Variants in EDA2R observed in about 807,000 individuals in gnomAD.
The protein encoded by EDA2R is ectodysplasin A2 receptor, also known as tumor necrosis factor receptor superfamily member 27.
In EDA2R, 26 loss-of-function variants were observed where a neutral mutation model predicts 20.1. The ratio of observed to expected loss-of-function variants is 1.30; its 90% CI spans 0.95 to 1.80. The LOEUF (loss-of-function observed/expected upper bound fraction) is 1.80, where lower values mean the gene tolerates loss of function less well. Ranked by LOEUF, EDA2R falls within the 40% of genes most tolerant of loss-of-function variation. The pLI, the probability that EDA2R is intolerant of heterozygous loss-of-function variation, is 0.00. For missense variants in EDA2R, 277 were observed against 228.7 expected, an observed-to-expected ratio of 1.21 and a Z score of -1.36; for synonymous variants, 114 against 88.7, an observed-to-expected ratio of 1.29 and a Z score of -1.60.
intron 2 of EDA2R, among the ~76,000 whole-genome samples, chrX:66,610,555 G>T (rs1930567201): frequency 9.0e-6 from 1 of 111,579 alleles, no homozygotes; most frequent in Non-Finnish European, 1.9e-5. Context: ...TAAGTTGAGT[G>T]ATTGATTGAT....
Position 66,616,035 on chromosome X carries a change from G to C in EDA2R, c.-10-5C>G. On this transcript the variant is annotated splice_region_variant and splice_polypyrimidine_tract_variant and intron_variant, in intron 1 of 6. Coordinates refer to ENST00000374719, the MANE Select transcript of EDA2R (RefSeq NM_021783.5). ...TGGCAATCCATGGTGGGAAGGCTGT[G>C]GGTAGAGAACACAAGAACTAGCAAG... 8.5e-7 allele frequency: 1 copy of C among 1,174,565 alleles called. No individual in the cohort carries two copies. Among genetic ancestry groups the C allele is most frequent in the Non-Finnish European group, 1.2e-6 (1 of 862,728 alleles).
At chrX:66,631,226 G>A (rs1301445200) in intron 1 of EDA2R, among the ~76,000 whole-genome samples, 4 of 110,666 alleles carry the variant, frequency 3.6e-5, no homozygotes, top group East Asian at 5.7e-4. Context: ...GTGAAGGGGG[G>A]CGAGGGATAA....
chrX:66,631,104 A>G (rs1933765845), intron 1 of EDA2R, among the ~76,000 whole-genome samples: 1 of 110,361 alleles, frequency 9.1e-6, no homozygotes, highest in South Asian at 3.9e-4. Flanking sequence ...GAAGTAACTC[A>G]TGAATGGAAA....
intron 1 of EDA2R, among the ~76,000 whole-genome samples, chrX:66,625,567 C>G (rs1602299807): frequency 9.0e-6 from 1 of 111,371 alleles, no homozygotes; most frequent in Non-Finnish European, 1.9e-5. Flanking sequence ...ACCTGATGGG[C>G]CTTCCCTACC....
intron 1 of EDA2R, among the ~76,000 whole-genome samples, chrX:66,630,927 A>G (rs1261466160): frequency 9.1e-6 from 1 of 110,251 alleles, no homozygotes; most frequent in Non-Finnish European, 1.9e-5. Flanking sequence ...ACATGTGTGT[A>G]TATACGTACA....
intron 1 of EDA2R, among the ~76,000 whole-genome samples, chrX:66,636,449 A>C (rs1482492046): frequency 2.7e-5 from 3 of 110,558 alleles, no homozygotes; most frequent in African/African-American, 9.9e-5. Context: ...TCTCTGAAAA[A>C]CTGTCATGGA....
chrX:66,610,036 A>G (rs1445288752), intron 2 of EDA2R, among the ~76,000 whole-genome samples: 1 of 111,711 alleles, frequency 9.0e-6, no homozygotes, highest in African/African-American at 3.3e-5. Flanking sequence ...AGATATAATT[A>G]CATAAAAATT....
rs1275543141 is a variant in EDA2R, at chrX:66,604,478, G to A, written c.295C>T (p.Leu99=). ...RFYRKTRIGG[L]QDQECIPCTK... Reference sequence around the variant, plus strand: ...CACGGGATGCACTCTTGGTCCTGCAGGCCTCCAATGCGTGTCTTTCGGTAG... The same window carrying A: ...CACGGGATGCACTCTTGGTCCTGCAAGCCTCCAATGCGTGTCTTTCGGTAG... Residue 99 remains leucine (L), a synonymous_variant, in exon 4 of 7, where the codon CTG becomes TTG. Transcript: ENST00000374719. The A allele has an allele frequency of 1.7e-6, 2 of 1,207,377 alleles. No individual in the cohort carries two copies. Among genetic ancestry groups the A allele is most frequent in the African/African-American group, 3.5e-5 (2 of 57,001 alleles).
At chrX:66,609,201 T>C (rs1010397031) in intron 2 of EDA2R, among the ~76,000 whole-genome samples, 1 of 111,777 alleles carries the variant, frequency 8.9e-6, no homozygotes, top group Non-Finnish European at 1.9e-5. Context: ...TGGATTGGAG[T>C]CACATTCAGG....
intron 1 of EDA2R, among the ~76,000 whole-genome samples, chrX:66,633,791 G>C (rs917745997): frequency 3.6e-5 from 4 of 112,050 alleles, no homozygotes; most frequent in Non-Finnish European, 7.5e-5. Flanking sequence ...GAGATAAGCT[G>C]ACTTCCCAAG....
intron 2 of EDA2R, 94 bp from the exon 3 acceptor site, chrX:66,605,320 C>T (rs1602207181): frequency 1.3e-6 from 1 of 776,366 alleles, no homozygotes; most frequent in Non-Finnish European, 1.7e-6. Flanking sequence ...TAGTATTTTG[C>T]AACTTGCAAC....
intron 6 of EDA2R, 104 bp downstream of exon 6, chrX:66,599,370 C>T: frequency 1.1e-6 from 1 of 926,034 alleles, no homozygotes; most frequent in South Asian, 3.1e-5. Flanking sequence ...GCTGTTCCTC[C>T]ACTCCTAGTG....
In EDA2R at chrX:66,604,427, C is replaced by A; in HGVS notation, c.346G>T (p.Val116Phe). The change falls in exon 4 of 7, where the codon GTT (valine) becomes TTT (phenylalanine). Residue 116 changes from valine to phenylalanine, a missense_variant. By Grantham distance (50) the Val-to-Phe change is conservative. Coordinates refer to ENST00000374719, the MANE Select transcript of EDA2R (RefSeq NM_021783.5). ...PCTKQTPTSE[V>F]QCAFQLSLVE... ...AAGAGAACTGGGTACACACATTGAA[C>A]CTCAGAGGTGGGGGTCTGCTTCGTG... is the stretch of plus-strand genomic sequence containing the variant. 1 of 1,207,862 alleles carries A rather than the reference C, an allele frequency of 8.3e-7. No individual in the cohort carries two copies. The highest frequency in any genetic ancestry group is 1.1e-6 in the Non-Finnish European group (1 of 893,376).
At chrX:66,602,176 AG>A (rs1303512782) in intron 5 of EDA2R, among the ~76,000 whole-genome samples, 1 of 111,849 alleles carries the variant, frequency 8.9e-6, no homozygotes, top group African/African-American at 3.3e-5. Context: ...GACATGCTCT[AG>A]AATTTATACC....
chrX:66,600,676 T>C (rs1324079148), intron 5 of EDA2R, among the ~76,000 whole-genome samples: 1 of 112,068 alleles, frequency 8.9e-6, no homozygotes. Flanking sequence ...TGGCAATTTG[T>C]TATGGCCATG....
intron 2 of EDA2R, among the ~76,000 whole-genome samples, chrX:66,608,159 A>G (rs1299903260): frequency 8.9e-6 from 1 of 111,889 alleles, no homozygotes; most frequent in Non-Finnish European, 1.9e-5. Flanking sequence ...TAAATTATCA[A>G]GTCTGAGGAG....
chrX:66,615,676 C>A (rs904524926), intron 2 of EDA2R, among the ~76,000 whole-genome samples: 1 of 111,393 alleles, frequency 9.0e-6, no homozygotes, highest in African/African-American at 3.3e-5. Context: ...GCTGAACAGT[C>A]CTCATGGGTC....
chrX:66,623,295 A>T (rs1932811932), intron 1 of EDA2R, among the ~76,000 whole-genome samples: 1 of 112,086 alleles, frequency 8.9e-6, no homozygotes, highest in Admixed American at 9.4e-5. Context: ...ATATTCAGAG[A>T]GAATCTGTTG....
chrX:66,616,151 G>A (rs1253749099), intron 1 of EDA2R, 121 bp from the exon 2 acceptor site: 5 of 476,273 alleles, frequency 1.0e-5, no homozygotes, highest in Admixed American at 3.3e-5. Context: ...TAGTAGGGAC[G>A]AGGAAGCCAA....
Sources: allele counts gnomAD v4.1 joint callset (sites outside exome capture counted in the v4.1 genomes callset), GRCh38; gene constraint gnomAD v4.1.1; transcripts MANE v1.5; gene names NCBI Gene and HGNC (gene_info 2026-07-23, HGNC 2026-07-21).